TMEM237: variants seen among roughly 807,000 people sequenced by gnomAD.
TMEM237 encodes the protein transmembrane protein 237, also known as amyotrophic lateral sclerosis 2 (juvenile) chromosome region, candidate 4.
A neutral mutation model predicts 59.1 loss-of-function variants in TMEM237; 51 were observed. The observed-to-expected ratio is 0.86, with a 90% CI of 0.69 to 1.09. The LOEUF is 1.09. TMEM237 is among the 50% of genes least tolerant of loss of function. The probability of loss-of-function intolerance (pLI) is 0.00; values close to 1 mark genes in which losing one functional copy is unlikely to be tolerated. For synonymous variants in TMEM237, 140 were observed against 166.1 expected, an observed-to-expected ratio of 0.84 and a Z score of 1.21; for missense variants, 475 against 478.3, an observed-to-expected ratio of 0.99 and a Z score of 0.06.
intron 10 of TMEM237, 59 bp from the exon 11 acceptor site, chr2:201,627,473 T>C: frequency 8.6e-7 from 1 of 1,158,292 alleles, no homozygotes; most frequent in Non-Finnish European, 1.2e-6. Context: ...TATTTTGAAT[T>C]TATAGATTAA....
rs1687288058 is a variant in TMEM237 at position 201,635,760 on chromosome 2, C to CT, written c.274+987dup. ...CTGGGCTATAAGAGTGAAACTCCATCTTAAAAAAAAAAAAAAAGAGGCTCG... is the reference window on the plus strand; with the variant it reads ...CTGGGCTATAAGAGTGAAACTCCATCTTTAAAAAAAAAAAAAAAGAGGCTCG... On this transcript the variant is annotated intron_variant, in intron 5 of 12. Coordinates refer to ENST00000409883, the MANE Select transcript of TMEM237 (RefSeq NM_001044385.3). This position sits in a 1 kb window ranked among gnomAD's most constrained non-coding sequence, Gnocchi z 4.5. Among the ~76,000 whole-genome samples, 1 of 83,996 alleles carries CT rather than the reference C, an allele frequency of 1.2e-5. No individual in the cohort carries two copies. Among genetic ancestry groups the CT allele is most frequent in the Non-Finnish European group, 2.6e-5 (1 of 39,086 alleles). The allele number at this position is 83,996 out of a possible 152,430, so 55.1% of individuals were successfully genotyped here. A position where few individuals can be genotyped will look rare whatever the true frequency, so the allele number is the denominator to read the frequency against.
At chr2:201,636,587 T>G (rs1687300241) in intron 5 of TMEM237, 161 bp downstream of exon 5, 3 of 764,436 alleles carry the variant, frequency 3.9e-6, no homozygotes, top group Middle Eastern at 3.8e-4. Flanking sequence ...ATTCTTGGCT[T>G]AAGCCATTGG....
chr2:201,634,032 G>A (rs982488556), intron 5 of TMEM237, among the ~76,000 whole-genome samples: 1 of 152,184 alleles, frequency 6.6e-6, no homozygotes, highest in African/African-American at 2.4e-5. Context: ...CAGATGTTCA[G>A]CAAAAATCAC....
intron 1 of TMEM237, among the ~76,000 whole-genome samples, chr2:201,641,646 G>C (rs1384223097): frequency 8.6e-6 from 1 of 116,334 alleles, no homozygotes; most frequent in African/African-American, 3.2e-5. Flanking sequence ...TATGCAGCAT[G>C]TACGATAAAA....
intron 4 of TMEM237, 45 bp downstream of exon 4, chr2:201,638,944 C>T (rs1687355906): frequency 1.3e-6 from 2 of 1,539,106 alleles, no homozygotes; most frequent in Admixed American, 2.0e-5. Flanking sequence ...CGCCTGAGGT[C>T]CTGGGAAAAC....
At chr2:201,639,903 A>G (rs1021340000) in intron 3 of TMEM237, among the ~76,000 whole-genome samples, 5 of 152,240 alleles carry the variant, frequency 3.3e-5, no homozygotes, top group Admixed American at 6.5e-5. Context: ...TATTAATTAG[A>G]AATAACCCTG....
intron 11 of TMEM237, among the ~76,000 whole-genome samples, 162 bp downstream of exon 11, chr2:201,627,159 A>C (rs1018569881): frequency 6.6e-6 from 1 of 152,218 alleles, no homozygotes; most frequent in South Asian, 2.1e-4. Flanking sequence ...GCAGGTGGAC[A>C]TAACAATAGT....
At chr2:201,638,786 T>A in intron 4 of TMEM237, 1 of 599,070 alleles carries the variant, frequency 1.7e-6, no homozygotes, top group East Asian at 2.8e-5. Flanking sequence ...CATGAATGCG[T>A]CCAGATACTC....
chr2:201,634,421 A>G (rs1687256005), intron 5 of TMEM237: 2 of 152,218 alleles, frequency 1.3e-5, no homozygotes, highest in South Asian at 4.1e-4. Context: ...ATAAAAACAC[A>G]ATTTTTAAAT....
intron 5 of TMEM237, 62 bp from the exon 6 acceptor site, chr2:201,633,493 A>G: frequency 1.5e-6 from 2 of 1,319,500 alleles, no homozygotes; most frequent in Non-Finnish European, 2.0e-6. Context: ...AGTAATGTAC[A>G]AGACTTGTAT....
chr2:201,643,075 G>A lies in TMEM237; in HGVS notation c.42+284C>T. 2.7e-6 allele frequency: 3 copies of A among 1,114,250 alleles called. No individual in the cohort carries two copies. Among genetic ancestry groups the A allele is most frequent in the South Asian group, 2.1e-5 (1 of 48,746 alleles). 69.0% of individuals were successfully genotyped at this position (1,114,250 alleles called of 1,614,324 possible). A position where few individuals can be genotyped will look rare whatever the true frequency, so the allele number is the denominator to read the frequency against. ...GAAGCCCCGGCACCCGCCGGGCCCCGGGCCTCAGATGAGTGAGGCGTCGTC... is the reference window on the plus strand; with the variant it reads ...GAAGCCCCGGCACCCGCCGGGCCCCAGGCCTCAGATGAGTGAGGCGTCGTC... On this transcript the variant is annotated intron_variant, in intron 1 of 12. Transcript: ENST00000409883. This position sits in a 1 kb window ranked among gnomAD's most constrained non-coding sequence, Gnocchi z 4.3.
rs1687222289 is a variant in TMEM237 at position 201,633,388 on chromosome 2, A to G, written c.318T>C (p.Ser106=). The part of the protein sequence containing the change: ...SSTQKKSSSS[S]LLRNENGIDA... ...CAATACCATTTTCATTTCGTAATAA[A>G]GATGAACTAGATGACTTCTTTTGGG... Residue 106 remains serine, a synonymous_variant, in exon 6 of 13, where the codon TCT becomes TCC. Transcript: ENST00000409883. 2 of 1,578,222 alleles carry G rather than the reference A, an allele frequency of 1.3e-6. No individual in the cohort carries two copies. The highest frequency in any genetic ancestry group is 1.7e-6 in the Non-Finnish European group (2 of 1,161,108).
In TMEM237 at chr2:201,624,273, T is replaced by C. The variant is rs1957737529; in HGVS notation, c.1209A>G (p.Glu403=). 6.2e-7 allele frequency: 1 copy of C among 1,612,090 alleles called. No homozygotes were observed. The highest frequency in any genetic ancestry group is 1.3e-5 in the African/African-American group (1 of 74,906). Reference sequence around the variant, plus strand: ...GCTGGTATTATGAAGAGGCTTTGATTTCTTTCTCTTTATCAGGATATTCTT... The same window carrying C: ...GCTGGTATTATGAAGAGGCTTTGATCTCTTTCTCTTTATCAGGATATTCTT... The part of the protein sequence containing the change: ...EVEEYPDKEK[E]IKASS Residue 403 remains glutamate, a synonymous_variant, in exon 13 of 13, where the codon GAA becomes GAG. Transcript: ENST00000409883.
Position 201,628,145 on chromosome 2 carries a change from C to A in TMEM237, c.874G>T (p.Asp292Tyr). ...ATTGCTACTGATATTTTAGCAAAGT[C>A]AATCCTAGAAAATATAAAAGTTTCT... is the stretch of plus-strand genomic sequence containing the variant. Reference protein sequence around the residue: ...LSTISAFDRIDFAKISVAIRN... With the variant: ...LSTISAFDRIYFAKISVAIRN... Residue 292 changes from aspartate to tyrosine, a missense_variant, in exon 10 of 13, where the codon GAC (aspartate) becomes TAC (tyrosine). Transcript: ENST00000409883. The A allele has an allele frequency of 6.3e-7, 1 of 1,599,190 alleles. No individual in the cohort carries two copies. Among genetic ancestry groups the A allele is most frequent in the South Asian group, 1.1e-5 (1 of 88,490 alleles).
rs746071632 is a variant in TMEM237, at chr2:201,629,735, G to A, written c.671C>T (p.Ala224Val). The A allele has an allele frequency of 2.6e-5, 41 of 1,601,870 alleles. No homozygotes were observed. Among genetic ancestry groups the A allele is most frequent in the Non-Finnish European group, 3.3e-5 (39 of 1,177,276 alleles). Residue 224 changes from alanine (A) to valine (V), a missense_variant, in exon 8 of 13, where the codon GCT becomes GTT. Coordinates refer to ENST00000409883, the MANE Select transcript of TMEM237 (RefSeq NM_001044385.3). ...GTCCAACAAAAGCAGCCACCTGAAAGCCCGGTGCACTGTAAGTGCCACATC... is the reference window on the plus strand; with the variant it reads ...GTCCAACAAAAGCAGCCACCTGAAAACCCGGTGCACTGTAAGTGCCACATC... ...TRDVALTVHR[A>V]FRMIGLFSHG...
intron 9 of TMEM237, among the ~76,000 whole-genome samples, chr2:201,628,829 T>G (rs1957782382): frequency 6.6e-6 from 1 of 152,218 alleles, no homozygotes; most frequent in Non-Finnish European, 1.5e-5. Context: ...ACATCCTGAT[T>G]GCAGACTGCT....
Position 201,633,384 on chromosome 2 carries a change from A to G in TMEM237, c.322T>C (p.Leu108=). 1 of 1,584,258 alleles carries G rather than the reference A, an allele frequency of 6.3e-7. No homozygotes were observed. The highest frequency in any genetic ancestry group is 8.6e-7 in the Non-Finnish European group (1 of 1,164,252). Residue 108 remains leucine, a synonymous_variant, in exon 6 of 13, where the codon TTA becomes CTA. Transcript: ENST00000409883. ...GCATCAATACCATTTTCATTTCGTA[A>G]TAAAGATGAACTAGATGACTTCTTT... The part of the protein sequence containing the change: ...TQKKSSSSSL[L]RNENGIDAEP...
chr2:201,640,785 G>T, intron 2 of TMEM237, 108 bp downstream of exon 2: 1 of 925,946 alleles, frequency 1.1e-6, no homozygotes, highest in Non-Finnish European at 1.6e-6. Context: ...TTTTTCAGAA[G>T]AGTTTCCTGA....
chr2:201,628,028 G>T (rs762808974), intron 10 of TMEM237, 48 bp downstream of exon 10: 2 of 1,323,738 alleles, frequency 1.5e-6, no homozygotes, highest in South Asian at 2.9e-5. Flanking sequence ...TCAAAATTAT[G>T]GTATAACTGA....
Sources: allele counts gnomAD v4.1 joint callset (sites outside exome capture counted in the v4.1 genomes callset), GRCh38; gene constraint gnomAD v4.1.1; non-coding constraint Gnocchi (gnomAD v3.1); transcripts MANE v1.5; gene names NCBI Gene and HGNC (gene_info 2026-07-23, HGNC 2026-07-21).